Variants in FHIT observed in about 807,000 individuals in gnomAD.
The protein encoded by FHIT is fragile histidine triad diadenosine triphosphatase.
Under a neutral mutation model 17.9 loss-of-function variants are expected in FHIT, and 19 were observed. That is an observed-to-expected ratio of 1.06 (90% CI 0.74 to 1.56). The LOEUF (loss-of-function observed/expected upper bound fraction) is 1.56, where lower values mean the gene tolerates loss of function less well. FHIT is among the 40% of genes most tolerant of loss of function. FHIT has a pLI of 0.00. For missense variants in FHIT, 248 were observed against 189.2 expected (o/e 1.31, Z -1.82); for synonymous variants, 81 against 69.7 (o/e 1.16, Z -0.81).
At chr3:59,875,938 TAAAAA>T (rs200571248) in intron 8 of FHIT, among the ~76,000 whole-genome samples, 5 of 129,306 alleles carry the variant, frequency 3.9e-5, no homozygotes, top group African/African-American at 1.5e-4. Context: ...GTCTGTTTGA[TAAAAA>T]AAGAAAAAAA....
At chr3:59,859,585 GGT>G (rs779559553) in intron 8 of FHIT, among the ~76,000 whole-genome samples, 3 of 152,206 alleles carry the variant, frequency 2.0e-5, no homozygotes, top group Non-Finnish European at 4.4e-5. Context: ...CAGGCATGGA[GGT>G]GTGTGCCTGT....
At chr3:60,523,983 T>G (rs2035475441) in intron 5 of FHIT, among the ~76,000 whole-genome samples, 1 of 152,250 alleles carries the variant, frequency 6.6e-6, no homozygotes, top group Admixed American at 6.5e-5. Context: ...CACATTATTC[T>G]ACTTGTTAAA....
At chr3:61,108,559 C>T (rs934286824) in intron 2 of FHIT, among the ~76,000 whole-genome samples, 3 of 152,148 alleles carry the variant, frequency 2.0e-5, no homozygotes, top group Non-Finnish European at 2.9e-5. Context: ...AAGGCATTAC[C>T]CATTAAGGTA....
rs143128942 is a variant in FHIT, at chr3:60,736,255, T to C, written c.-18+85664A>G. On this transcript the variant is annotated intron_variant, in intron 4 of 9. Coordinates refer to ENST00000492590, the MANE Select transcript of FHIT (RefSeq NM_002012.4). ...GTTCCTTAAAAAGTTAAACATAGAG[T>C]TACCGTGTGACCCAGCAAGTCTACT... Among the ~76,000 whole-genome samples, 374 of 152,234 alleles carry C rather than the reference T, an allele frequency of 2.5e-3. 1 individual carries two copies. Among genetic ancestry groups the C allele is most frequent in the African/African-American group, 8.5e-3 (354 of 41,540 alleles).
chr3:60,829,761 A>G (rs782634455), intron 3 of FHIT, among the ~76,000 whole-genome samples: 9 of 152,154 alleles, frequency 5.9e-5, no homozygotes, highest in Non-Finnish European at 2.9e-5. Flanking sequence ...GAAGAACTGA[A>G]ACTCGGTAGA....
chr3:60,838,210 C>T (rs1420750319), intron 3 of FHIT, among the ~76,000 whole-genome samples: 1 of 152,208 alleles, frequency 6.6e-6, no homozygotes, highest in Non-Finnish European at 1.5e-5. Flanking sequence ...TGGTGGCTCA[C>T]GCCTGTAATC....
chr3:60,933,803 C>A (rs1397797640), intron 3 of FHIT, among the ~76,000 whole-genome samples: 1 of 152,192 alleles, frequency 6.6e-6, no homozygotes, highest in Non-Finnish European at 1.5e-5. Flanking sequence ...CTTTCTTCCC[C>A]TCCCTTTACA....
chr3:60,172,007 C>T (rs985213708), intron 5 of FHIT, among the ~76,000 whole-genome samples: 1 of 152,112 alleles, frequency 6.6e-6, no homozygotes, highest in African/African-American at 2.4e-5. Context: ...TGAACCAATG[C>T]TGAGAACATA....
At chr3:61,198,756 G>A (rs2038926390) in intron 2 of FHIT, among the ~76,000 whole-genome samples, 1 of 152,062 alleles carries the variant, frequency 6.6e-6, no homozygotes, top group Admixed American at 6.6e-5. Context: ...GATTCCTAAG[G>A]ACCAAGCAGA....
intron 5 of FHIT, among the ~76,000 whole-genome samples, chr3:60,086,346 C>T (rs1339573389): frequency 6.6e-6 from 1 of 152,154 alleles, no homozygotes; most frequent in Admixed American, 6.5e-5. Flanking sequence ...AGAAGACAAA[C>T]ATCCAAACCA....
chr3:60,767,866 A>C (rs1559706773), intron 4 of FHIT, among the ~76,000 whole-genome samples: 1 of 152,186 alleles, frequency 6.6e-6, no homozygotes, highest in Non-Finnish European at 1.5e-5. Context: ...TGTTTTATCC[A>C]CTGTCTATTA....
chr3:61,192,907 C>T (rs961612545), intron 2 of FHIT, among the ~76,000 whole-genome samples: 1 of 152,166 alleles, frequency 6.6e-6, no homozygotes, highest in Admixed American at 6.5e-5. Flanking sequence ...TTAGGGGCAG[C>T]ATAATTTTAA....
At chr3:60,558,172 G>A (rs1461529934) in intron 4 of FHIT, among the ~76,000 whole-genome samples, 1 of 151,924 alleles carries the variant, frequency 6.6e-6, no homozygotes, top group African/African-American at 2.4e-5. Flanking sequence ...TGGAAGCGGG[G>A]CTCAGAAGAC....
intron 2 of FHIT, among the ~76,000 whole-genome samples, chr3:61,084,080 C>G (rs2035232376): frequency 6.6e-6 from 1 of 152,208 alleles, no homozygotes; most frequent in South Asian, 2.1e-4. Flanking sequence ...GATCAGCAAT[C>G]CAACTGGAAT....
intron 4 of FHIT, chr3:60,732,684 C>CTGTTTTTTT (rs2042055706): frequency 6.0e-6 from 1 of 166,694 alleles, no homozygotes; most frequent in African/African-American, 4.2e-5. Context: ...GCAAAGACTG[C>CTGTTTTTTT]TTTTTTTTTT....
At chr3:60,450,648 C>A (rs1435042804) in intron 5 of FHIT, among the ~76,000 whole-genome samples, 1 of 152,018 alleles carries the variant, frequency 6.6e-6, no homozygotes, top group Non-Finnish European at 1.5e-5. Context: ...CCAGAGAGTT[C>A]CAGTAATGCC....
At chr3:60,588,704 G>A (rs918964234) in intron 4 of FHIT, among the ~76,000 whole-genome samples, 4 of 151,798 alleles carry the variant, frequency 2.6e-5, no homozygotes, top group Non-Finnish European at 4.4e-5. Flanking sequence ...GCTGGAGTGC[G>A]GTAGCATGAT....
intron 5 of FHIT, among the ~76,000 whole-genome samples, chr3:60,367,826 C>A (rs896908632): frequency 1.6e-4 from 24 of 152,174 alleles, no homozygotes; most frequent in African/African-American, 5.5e-4. Context: ...AGTCAAGCTC[C>A]ACCACTTTCA....
intron 5 of FHIT, among the ~76,000 whole-genome samples, chr3:60,402,489 G>A (rs913909968): frequency 6.6e-6 from 1 of 152,260 alleles, no homozygotes; most frequent in East Asian, 1.9e-4. Flanking sequence ...GTCCTTTAAA[G>A]AGTACACTAA....
Sources: allele counts gnomAD v4.1 joint callset (sites outside exome capture counted in the v4.1 genomes callset), GRCh38; gene constraint gnomAD v4.1.1; transcripts MANE v1.5; gene names NCBI Gene and HGNC (gene_info 2026-07-23, HGNC 2026-07-21).